Variants in NRG1 observed in about 807,000 individuals in gnomAD.
NRG1 encodes the protein pro-neuregulin-1, membrane-bound isoform.
NRG1 carries 18 observed loss-of-function variants against 63.8 expected under a neutral mutation model. The observed-to-expected ratio is 0.28, with a 90% CI of 0.19 to 0.42. The LOEUF is 0.42. Among genes scored for constraint, NRG1 ranks in the 10% least tolerant of loss-of-function variants. NRG1 has a pLI of 1.00. For synonymous variants in NRG1, 302 were observed against 301.3 expected (o/e 1.00, Z -0.02); for missense variants, 762 against 814.7 (o/e 0.94, Z 0.79).
At chr8:32,534,236 A>G (rs559154709) in intron 1 of NRG1, among the ~76,000 whole-genome samples, 1 of 152,296 alleles carries the variant, frequency 6.6e-6, no homozygotes, top group Admixed American at 6.5e-5. Flanking sequence ...ATGCCTTAAG[A>G]TAAATCCATG....
chr8:31,983,270 A>C (rs1809480060), intron 1 of NRG1, among the ~76,000 whole-genome samples: 2 of 152,222 alleles, frequency 1.3e-5, no homozygotes, highest in Non-Finnish European at 2.9e-5. Flanking sequence ...GGAAAATTTT[A>C]AGAAGTGCTT....
chr8:32,176,013 C>T (rs1840687380), intron 1 of NRG1, among the ~76,000 whole-genome samples: 1 of 152,208 alleles, frequency 6.6e-6, no homozygotes, highest in Non-Finnish European at 1.5e-5. Flanking sequence ...AAAAAAGAGC[C>T]TGCATTGCCA....
intron 1 of NRG1, among the ~76,000 whole-genome samples, chr8:32,482,927 A>ATT (rs1409154891): frequency 6.6e-6 from 1 of 152,204 alleles, no homozygotes; most frequent in Non-Finnish European, 1.5e-5. Flanking sequence ...TTTAAAACTT[A>ATT]TTTATACCAA....
At chr8:32,438,148 C>A (rs1353546039) in intron 1 of NRG1, among the ~76,000 whole-genome samples, 2 of 152,136 alleles carry the variant, frequency 1.3e-5, no homozygotes, top group African/African-American at 2.4e-5. Flanking sequence ...TCCAGGCATC[C>A]CCTGTGCTTA....
At chr8:32,048,200 G>T (rs929394196) in intron 1 of NRG1, among the ~76,000 whole-genome samples, 2 of 151,640 alleles carry the variant, frequency 1.3e-5, no homozygotes, top group East Asian at 1.9e-4. Flanking sequence ...GAATGGTGCT[G>T]CAGTAAACAC....
intron 1 of NRG1, among the ~76,000 whole-genome samples, chr8:32,388,199 T>G (rs1252368148): frequency 6.6e-6 from 1 of 152,214 alleles, no homozygotes; most frequent in African/African-American, 2.4e-5. Context: ...TATAGTAAGT[T>G]GAAGAACTTT....
At chr8:32,644,604 G>T (rs955588917) in intron 5 of NRG1, among the ~76,000 whole-genome samples, 1 of 152,182 alleles carries the variant, frequency 6.6e-6, no homozygotes, top group African/African-American at 2.4e-5. Flanking sequence ...ATTAGTCTTA[G>T]CACCAAGGTG....
chr8:31,750,534 A>C (rs995737975), intron 1 of NRG1, among the ~76,000 whole-genome samples: 1 of 152,004 alleles, frequency 6.6e-6, no homozygotes, highest in African/African-American at 2.4e-5. Context: ...TCTAAAACTC[A>C]AGTGCACTTA....
At chr8:32,040,628 C>T (rs769615570) in intron 1 of NRG1, among the ~76,000 whole-genome samples, 7 of 145,326 alleles carry the variant, frequency 4.8e-5, no homozygotes, top group Non-Finnish European at 9.0e-5. Context: ...CATATATACA[C>T]GTATGTATGT....
chr8:32,247,159 C>T (rs1256694945), intron 1 of NRG1, among the ~76,000 whole-genome samples: 3 of 151,780 alleles, frequency 2.0e-5, no homozygotes, highest in African/African-American at 7.3e-5. Context: ...TTGAAATTAA[C>T]GAATAAAAGT....
chr8:32,091,066 T>C (rs908342555), intron 1 of NRG1, among the ~76,000 whole-genome samples: 6 of 151,972 alleles, frequency 3.9e-5, no homozygotes, highest in Non-Finnish European at 8.8e-5. Flanking sequence ...GATCACGAGG[T>C]CAGGAGATCG....
intron 5 of NRG1, among the ~76,000 whole-genome samples, chr8:32,688,990 C>T (rs999090222): frequency 1.6e-4 from 24 of 152,252 alleles, no homozygotes; most frequent in African/African-American, 5.8e-4. Context: ...ACAACATGTG[C>T]CTTGTGGCCC....
intron 5 of NRG1, chr8:32,648,513 T>G (rs1242790090): frequency 7.4e-7 from 1 of 1,354,276 alleles, no homozygotes; most frequent in Non-Finnish European, 9.8e-7. Flanking sequence ...AGCCTATGTT[T>G]GAGATGCTTG....
rs1202134863 is a variant in NRG1, at chr8:32,096,257, A to G, written c.37+456826A>G. On this transcript the variant is annotated intron_variant, in intron 1 of 10. Transcript: ENST00000519301. ...GGTTGTTCTGTAAGAAGATACCAGA[A>G]GAAGCAAGGAGACCAGATGTGGCTA... Among the ~76,000 whole-genome samples the G allele has an allele frequency of 2.6e-5, 4 of 152,238 alleles. No individual in the cohort carries two copies. The East Asian group carries it at 7.7e-4, about 29-fold the overall frequency.
intron 1 of NRG1, among the ~76,000 whole-genome samples, chr8:31,745,711 T>C (rs1391991593): frequency 1.3e-5 from 2 of 151,916 alleles, no homozygotes; most frequent in East Asian, 3.9e-4. Flanking sequence ...TGATGATACC[T>C]ACCGCTTATG....
At chr8:32,703,140 G>T (rs916707286) in intron 5 of NRG1, among the ~76,000 whole-genome samples, 1 of 152,036 alleles carries the variant, frequency 6.6e-6, no homozygotes, top group African/African-American at 2.4e-5. Flanking sequence ...GGATGGGAGG[G>T]ATGAGGAAAT....
chr8:31,905,763 TGAAA>T (rs1832471568), intron 1 of NRG1, among the ~76,000 whole-genome samples: 1 of 152,180 alleles, frequency 6.6e-6, no homozygotes, highest in Non-Finnish European at 1.5e-5. Flanking sequence ...TGTACAAATT[TGAAA>T]AACAACAGCC....
chr8:32,125,152 A>T (rs146887589), intron 1 of NRG1, among the ~76,000 whole-genome samples: 1 of 151,882 alleles, frequency 6.6e-6, no homozygotes, highest in South Asian at 2.1e-4. Context: ...CCCTCACCAG[A>T]CACCAAATGT....
chr8:31,819,456 C>G (rs1313200966), intron 1 of NRG1, among the ~76,000 whole-genome samples: 5 of 152,144 alleles, frequency 3.3e-5, no homozygotes, highest in African/African-American at 7.2e-5. Context: ...AAATAACATA[C>G]ATTTTATGGC....
Sources: allele counts gnomAD v4.1 joint callset (sites outside exome capture counted in the v4.1 genomes callset), GRCh38; gene constraint gnomAD v4.1.1; transcripts MANE v1.5; gene names NCBI Gene and HGNC (gene_info 2026-07-23, HGNC 2026-07-21).